The following NFATC1 variants were observed in gnomAD, a reference collection of about 807,000 sequenced individuals.
The protein encoded by NFATC1 is nuclear factor of activated T cells 1.
A neutral mutation model predicts 76.0 loss-of-function variants in NFATC1; 22 were observed. The ratio of observed to expected loss-of-function variants is 0.29; its 90% CI spans 0.21 to 0.41. The LOEUF is 0.41. Ranked by LOEUF, NFATC1 falls within the 10% of genes least tolerant of loss-of-function variation. The probability of loss-of-function intolerance (pLI) is 1.00; values close to 1 mark genes in which losing one functional copy is unlikely to be tolerated. For missense variants in NFATC1, 1,357 were observed against 1,337.7 expected (o/e 1.01, Z -0.23); for synonymous variants, 704 against 613.1 (o/e 1.15, Z -2.19).
At chr18:79,455,031 G>A (rs1024166046) in intron 6 of NFATC1, among the ~76,000 whole-genome samples, 2 of 152,346 alleles carry the variant, frequency 1.3e-5, no homozygotes, top group Admixed American at 6.5e-5. Context: ...GAACGCCCGC[G>A]TGAAACGTGA....
chr18:79,518,701 G>A (rs142356600), intron 9 of NFATC1, among the ~76,000 whole-genome samples: 291 of 152,360 alleles, frequency 1.9e-3, no homozygotes, highest in African/African-American at 6.5e-3. Context: ...AGGATGGGCT[G>A]ACCTGACCGC....
intron 3 of NFATC1, among the ~76,000 whole-genome samples, chr18:79,441,559 GGCT>G (rs2086976520): frequency 1.3e-5 from 2 of 152,178 alleles, no homozygotes; most frequent in African/African-American, 4.8e-5. Context: ...AGGGCATCCC[GGCT>G]GTGGGTGGGC....
intron 9 of NFATC1, among the ~76,000 whole-genome samples, chr18:79,522,007 A>G (rs117261263): frequency 0.054 from 2,982 of 55,054 alleles, 122 homozygotes; most frequent in Admixed American, 0.11. Flanking sequence ...GTGTCTGTGC[A>G]TGTGTGGGGG....
chr18:79,467,928 C>T (rs983592543), intron 8 of NFATC1: 5 of 1,088,736 alleles, frequency 4.6e-6, no homozygotes, highest in Non-Finnish European at 5.6e-6. Flanking sequence ...CCTAAAGCTG[C>T]TTACGGTGAA....
intron 2 of NFATC1, among the ~76,000 whole-genome samples, chr18:79,425,261 G>C (rs909307395): frequency 8.3e-6 from 1 of 120,754 alleles, no homozygotes; most frequent in African/African-American, 3.6e-5. Flanking sequence ...TTCTCTCCCT[G>C]TCTCTGTCTC....
At chr18:79,415,079 TGC>T (rs1374807940) in intron 2 of NFATC1, among the ~76,000 whole-genome samples, 5 of 152,196 alleles carry the variant, frequency 3.3e-5, no homozygotes, top group Non-Finnish European at 7.3e-5. Context: ...GGTCTGTCTG[TGC>T]CGACATCTGC....
At chr18:79,497,008 A>G (rs577077462) in intron 9 of NFATC1, 6 of 152,298 alleles carry the variant, frequency 3.9e-5, no homozygotes, top group Admixed American at 6.5e-5. Flanking sequence ...ACCGTTGAGT[A>G]TTTTCTTCCC....
At chr18:79,400,858 T>TACACCCCGCCCCCCTA (rs2085207525) in intron 1 of NFATC1, among the ~76,000 whole-genome samples, 1 of 386 alleles carries the variant, frequency 2.6e-3, no homozygotes, top group African/African-American at 0.012. Flanking sequence ...CCCCCCGACC[T>TACACCCCGCCCCCCTA]CCGCCTCAGC....
intron 6 of NFATC1, among the ~76,000 whole-genome samples, chr18:79,455,378 G>A (rs1245742568): frequency 6.9e-6 from 1 of 145,134 alleles, no homozygotes; most frequent in African/African-American, 2.6e-5. Context: ...GGGCCTGGAC[G>A]GCCGGCGTCT....
intron 8 of NFATC1, among the ~76,000 whole-genome samples, chr18:79,479,279 C>T (rs149382219): frequency 0.012 from 1,805 of 152,350 alleles, 43 homozygotes; most frequent in African/African-American, 0.041. Context: ...AGCCAGAGGC[C>T]GCCTGGTGCA....
At position 79,460,139 on chromosome 18, in the gene NFATC1, G is replaced by A. The variant is rs58318757; in HGVS notation, c.1904-1172G>A. ...TGGCATGGCCAGGGCTTGGCTGGGC[G>A]GCTCTGGGGTCCTGTGTGACTCACA... is the stretch of plus-strand genomic sequence containing the variant. On this transcript the variant is annotated intron_variant, in intron 6 of 9. Transcript: ENST00000427363. Among the ~76,000 whole-genome samples the A allele has an allele frequency of 4.2e-3, 633 of 152,334 alleles. 5 individuals are homozygous for A. The highest frequency in any genetic ancestry group is 0.015 in the African/African-American group (606 of 41,566).
intron 3 of NFATC1, among the ~76,000 whole-genome samples, chr18:79,442,095 G>A (rs1046794185): frequency 2.0e-5 from 3 of 152,196 alleles, no homozygotes; most frequent in African/African-American, 7.2e-5. Context: ...CGCGCTGGTG[G>A]GGCAAGGTGG....
chr18:79,433,851 CTGTCGT>C, intron 3 of NFATC1, 113 bp downstream of exon 3: 1 of 1,369,076 alleles, frequency 7.3e-7, no homozygotes, highest in South Asian at 1.4e-5. Context: ...GCTGAATGCT[CTGTCGT>C]GGTTAGTCCC....
At chr18:79,501,765 C>T (rs113405719) in intron 9 of NFATC1, among the ~76,000 whole-genome samples, 9,032 of 151,852 alleles carry the variant, frequency 0.059, 391 homozygotes, top group Admixed American at 0.095. Context: ...TTCCTATCTA[C>T]GATATAGCAT....
chr18:79,484,875 A>T (rs534188625), intron 8 of NFATC1, among the ~76,000 whole-genome samples: 14 of 152,140 alleles, frequency 9.2e-5, no homozygotes, highest in Non-Finnish European at 1.8e-4. Flanking sequence ...GCTGCAGGGG[A>T]GGCCGCACGT....
intron 9 of NFATC1, among the ~76,000 whole-genome samples, chr18:79,521,543 G>C (rs1181706454): frequency 1.2e-5 from 1 of 80,700 alleles, no homozygotes. Flanking sequence ...ATGTGTATGT[G>C]TGTGTGGGGG....
chr18:79,448,519 G>C lies in NFATC1; in HGVS notation c.1387-263G>C, dbSNP rs2087315201. On this transcript the variant is annotated intron_variant, in intron 3 of 9. Coordinates refer to ENST00000427363, the MANE Select transcript of NFATC1 (RefSeq NM_001278669.2). ...CCCTGCCAGCTTCACTGTGGCCTCA[G>C]AATGGGCACACACAGCAAGTGTGGA... 5.9e-6 allele frequency: 3 copies of C among 504,230 alleles called. No individual in the cohort carries two copies. In the East Asian group the frequency reaches 1.0e-4, roughly 17 times the overall value. 31.2% of individuals were successfully genotyped at this position (504,230 alleles called of 1,614,324 possible). A position where few individuals can be genotyped will look rare whatever the true frequency, so the allele number is the denominator to read the frequency against.
At chr18:79,457,573 T>G (rs1223521208) in intron 6 of NFATC1, among the ~76,000 whole-genome samples, 2 of 152,180 alleles carry the variant, frequency 1.3e-5, no homozygotes, top group Non-Finnish European at 2.9e-5. Flanking sequence ...CGAAATATGA[T>G]CTATACACCA....
intron 9 of NFATC1, among the ~76,000 whole-genome samples, chr18:79,492,565 C>T (rs991381655): frequency 3.3e-5 from 5 of 152,092 alleles, no homozygotes; most frequent in African/African-American, 7.2e-5. Context: ...AAAAATTAGC[C>T]GGGAGTGGTG....
Sources: allele counts gnomAD v4.1 joint callset (sites outside exome capture counted in the v4.1 genomes callset), GRCh38; gene constraint gnomAD v4.1.1; transcripts MANE v1.5; gene names NCBI Gene and HGNC (gene_info 2026-07-23, HGNC 2026-07-21).